The following TAS2R1 variants were observed in gnomAD, a reference collection of about 807,000 sequenced individuals.
The protein encoded by TAS2R1 is taste receptor type 2 member 1.
For missense variants in TAS2R1, 370 were observed against 353.4 expected (o/e 1.05, Z -0.38); for synonymous variants, 141 against 134.2 (o/e 1.05, Z -0.35).
At chr5:9,885,607 A>C in the TAS2R1 span, among the ~76,000 whole-genome samples, 1 of 152,218 alleles carries the variant, frequency 6.6e-6, no homozygotes. Flanking sequence ...AAAAGAAGCT[A>C]AAGTATGAGA....
chr5:9,647,036 G>A (rs1740203384), intron 2 of TAS2R1, among the ~76,000 whole-genome samples: 1 of 152,030 alleles, frequency 6.6e-6, no homozygotes, highest in Non-Finnish European at 1.5e-5. Context: ...CAAATAAGTG[G>A]GGTAAAGGAT....
chr5:9,821,864 G>A, the TAS2R1 span, among the ~76,000 whole-genome samples: 1 of 152,172 alleles, frequency 6.6e-6, no homozygotes, highest in Non-Finnish European at 1.5e-5. Context: ...CTTATGACCT[G>A]GGGAAAGATA....
chr5:9,655,390 G>T (rs1222079065), intron 2 of TAS2R1, among the ~76,000 whole-genome samples: 3 of 151,986 alleles, frequency 2.0e-5, no homozygotes, highest in Non-Finnish European at 4.4e-5. Context: ...GGATCAAAAA[G>T]ACTATAAATA....
At chr5:9,892,928 C>T in the TAS2R1 span, among the ~76,000 whole-genome samples, 1 of 152,182 alleles carries the variant, frequency 6.6e-6, no homozygotes, top group Admixed American at 6.5e-5. Context: ...TGGTCACTCT[C>T]AGGAGAGTGC....
the TAS2R1 span, among the ~76,000 whole-genome samples, chr5:9,840,567 AT>A: frequency 1.3e-5 from 2 of 152,026 alleles, no homozygotes; most frequent in Admixed American, 6.6e-5. Context: ...TGTTTTTTGA[AT>A]TGTTGTCATG....
At chr5:9,703,605 G>A (rs548732499) in intron 1 of TAS2R1, among the ~76,000 whole-genome samples, 6 of 152,106 alleles carry the variant, frequency 3.9e-5, no homozygotes, top group Non-Finnish European at 8.8e-5. Context: ...CCAATCCCCG[G>A]TAAGCTATGA....
At chr5:9,808,061 T>A in the TAS2R1 span, among the ~76,000 whole-genome samples, 1 of 151,840 alleles carries the variant, frequency 6.6e-6, no homozygotes, top group Non-Finnish European at 1.5e-5. Context: ...ACTGACAGAG[T>A]TTTGAAGTGC....
chr5:9,728,579 C>T, the TAS2R1 span, among the ~76,000 whole-genome samples: 2 of 152,184 alleles, frequency 1.3e-5, no homozygotes, highest in African/African-American at 2.4e-5. Context: ...GTATAGAAGG[C>T]TTGCCCTACT....
intron 2 of TAS2R1, among the ~76,000 whole-genome samples, chr5:9,637,738 A>G (rs1739991851): frequency 6.6e-6 from 1 of 151,882 alleles, no homozygotes; most frequent in South Asian, 2.1e-4. Flanking sequence ...TTTCCAGTGC[A>G]TTTTGTATTT....
the TAS2R1 span, among the ~76,000 whole-genome samples, chr5:9,830,634 C>T: frequency 6.7e-6 from 1 of 150,120 alleles, no homozygotes; most frequent in Non-Finnish European, 1.5e-5. Context: ...CACACACACA[C>T]ATACAACAGA....
chr5:9,662,737 C>T (rs897315329), intron 1 of TAS2R1, among the ~76,000 whole-genome samples: 1 of 152,224 alleles, frequency 6.6e-6, no homozygotes, highest in Non-Finnish European at 1.5e-5. Context: ...AAATGATAGT[C>T]TCTGACTATA....
the TAS2R1 span, among the ~76,000 whole-genome samples, chr5:9,891,011 A>G: frequency 6.6e-6 from 1 of 152,236 alleles, no homozygotes; most frequent in South Asian, 2.1e-4. Context: ...GTAGGTGCCC[A>G]TGGCCTTTTT....
the TAS2R1 span, among the ~76,000 whole-genome samples, chr5:9,880,142 TAAACTATACGTAAAGAGGA>T: frequency 6.6e-5 from 10 of 152,304 alleles, no homozygotes; most frequent in African/African-American, 2.4e-4. Context: ...CAGTCATACA[TAAACTATACGTAAAGAGGA>T]AAAATATTTA....
At chr5:9,748,368 G>A in the TAS2R1 span, among the ~76,000 whole-genome samples, 1 of 152,282 alleles carries the variant, frequency 6.6e-6, no homozygotes, top group South Asian at 2.1e-4. Flanking sequence ...AAAAGAGGTT[G>A]CAATGTTATT....
At chr5:9,860,625 C>G in the TAS2R1 span, among the ~76,000 whole-genome samples, 2 of 151,920 alleles carry the variant, frequency 1.3e-5, no homozygotes, top group Non-Finnish European at 2.9e-5. Flanking sequence ...TTAGGAAAAG[C>G]CTTCAGCCTG....
chr5:9,760,030 A>G, the TAS2R1 span, among the ~76,000 whole-genome samples: 365 of 152,364 alleles, frequency 2.4e-3, 2 homozygotes, highest in African/African-American at 8.4e-3. Flanking sequence ...GGTCATAACT[A>G]CCAGTCCTAT....
the TAS2R1 span, chr5:9,854,558 A>T: frequency 6.6e-6 from 1 of 152,170 alleles, no homozygotes; most frequent in Non-Finnish European, 1.5e-5. Context: ...GTAAGATGAG[A>T]CTCAAGATTC....
the TAS2R1 span, among the ~76,000 whole-genome samples, chr5:9,834,179 G>T: frequency 6.6e-6 from 1 of 152,158 alleles, no homozygotes; most frequent in Non-Finnish European, 1.5e-5. Context: ...AAGCGCTCAG[G>T]AGCTAGGAGC....
the TAS2R1 span, among the ~76,000 whole-genome samples, chr5:9,814,048 C>T: frequency 6.6e-6 from 1 of 152,090 alleles, no homozygotes; most frequent in African/African-American, 2.4e-5. Flanking sequence ...CTTTTCTTTC[C>T]AACCCAGGCA....
Sources: gnomAD v4.1 joint callset for allele counts (sites outside exome capture counted in the v4.1 genomes callset) on GRCh38, gnomAD v4.1.1 for gene constraint, MANE v1.5 for transcripts, NCBI Gene and HGNC (gene_info 2026-07-23, HGNC 2026-07-21) for gene names.